Variants in SPIDR observed in about 807,000 individuals in gnomAD.
The protein encoded by SPIDR is DNA repair-scaffolding protein.
In SPIDR, 93 loss-of-function variants were observed where a neutral mutation model predicts 104.6. The ratio of observed to expected loss-of-function variants is 0.89; its 90% CI spans 0.75 to 1.06. The LOEUF (loss-of-function observed/expected upper bound fraction) is 1.06. Ranked by LOEUF, SPIDR falls within the 50% of genes least tolerant of loss-of-function variation. SPIDR has a pLI of 0.00. For missense variants in SPIDR, 1,154 were observed against 1,111.2 expected, an observed-to-expected ratio of 1.04 and a Z score of -0.55; for synonymous variants, 431 against 416.9, an observed-to-expected ratio of 1.03 and a Z score of -0.41.
intron 2 of SPIDR, among the ~76,000 whole-genome samples, chr8:47,280,230 T>A (rs1554557408): frequency 0.02 from 3,098 of 151,856 alleles, 62 homozygotes; most frequent in Non-Finnish European, 0.024. Flanking sequence ...TTTTATTTTT[T>A]TTTTATTTTA....
intron 10 of SPIDR, among the ~76,000 whole-genome samples, chr8:47,612,511 A>G (rs1297565400): frequency 6.6e-6 from 1 of 152,258 alleles, no homozygotes; most frequent in African/African-American, 2.4e-5. Context: ...GCTACCACAT[A>G]TTTGGGAGAA....
chr8:47,518,965 G>A (rs1270738984), intron 8 of SPIDR, among the ~76,000 whole-genome samples: 3 of 152,052 alleles, frequency 2.0e-5, no homozygotes, highest in East Asian at 1.9e-4. Context: ...AAAGTCTTAC[G>A]TTAGCAAAAT....
At chr8:47,278,454 G>A (rs1410157010) in intron 1 of SPIDR, among the ~76,000 whole-genome samples, 7 of 152,002 alleles carry the variant, frequency 4.6e-5, no homozygotes, top group African/African-American at 1.7e-4. Flanking sequence ...CAAGTTGCTG[G>A]AACTACAGGC....
intron 3 of SPIDR, 45 bp from the exon 4 acceptor site, chr8:47,290,988 C>G: frequency 7.0e-7 from 1 of 1,429,394 alleles, no homozygotes; most frequent in Non-Finnish European, 9.7e-7. Context: ...TGATAAATGA[C>G]CATATAAGGA....
chr8:47,644,701 C>A (rs1438815059), intron 10 of SPIDR, among the ~76,000 whole-genome samples: 1 of 152,146 alleles, frequency 6.6e-6, no homozygotes, highest in East Asian at 1.9e-4. Context: ...GGTCCTAGTA[C>A]ATGGTGAATG....
chr8:47,358,038 A>G (rs782710857), intron 5 of SPIDR, among the ~76,000 whole-genome samples: 10 of 152,162 alleles, frequency 6.6e-5, no homozygotes, highest in Non-Finnish European at 1.5e-4. Flanking sequence ...TTAACCAGTA[A>G]ATGACTGTTC....
At chr8:47,680,148 G>A (rs187022426) in intron 11 of SPIDR, among the ~76,000 whole-genome samples, 57 of 152,286 alleles carry the variant, frequency 3.7e-4, no homozygotes, top group Non-Finnish European at 7.4e-4. Context: ...AGTGAACATG[G>A]GCATGTGGTG....
chr8:47,589,780 A>G (rs2154418335), intron 8 of SPIDR, among the ~76,000 whole-genome samples: 1 of 151,852 alleles, frequency 6.6e-6, no homozygotes. Flanking sequence ...GCCTTTTTTC[A>G]TTTTTTAGTC....
At chr8:47,485,323 C>G (rs2077424739) in intron 8 of SPIDR, among the ~76,000 whole-genome samples, 1 of 152,234 alleles carries the variant, frequency 6.6e-6, no homozygotes, top group Non-Finnish European at 1.5e-5. Context: ...CCTGCCATTG[C>G]TGAGGCTTGA....
In SPIDR at chr8:47,524,161, G is replaced by A. The variant is rs995968527; in HGVS notation, c.1098-71650G>A. On this transcript the variant is annotated intron_variant, in intron 8 of 19. Transcript: ENST00000297423. ...ATGTATGCTAAAAAAATTATTCATT[G>A]TTTATCTGAAATTTACATTTACCTG... 4.6e-5 allele frequency among the ~76,000 whole-genome samples: 7 copies of A among 152,228 alleles called. No individual in the cohort carries two copies. In the East Asian group the frequency reaches 1.3e-3, roughly 29 times the overall value.
At chr8:47,435,576 C>A (rs1319812938) in intron 7 of SPIDR, among the ~76,000 whole-genome samples, 1 of 152,050 alleles carries the variant, frequency 6.6e-6, no homozygotes, top group Non-Finnish European at 1.5e-5. Context: ...GTTTCTTAAT[C>A]GTTTAACATC....
intron 8 of SPIDR, among the ~76,000 whole-genome samples, chr8:47,451,721 G>A (rs782089113): frequency 6.6e-6 from 1 of 152,076 alleles, no homozygotes; most frequent in Non-Finnish European, 1.5e-5. Context: ...AATGAACAGA[G>A]CCCGAAGCAC....
intron 9 of SPIDR, among the ~76,000 whole-genome samples, chr8:47,597,518 G>T (rs866726894): frequency 2.6e-5 from 4 of 152,128 alleles, no homozygotes; most frequent in South Asian, 2.1e-4. Context: ...AGTTTTATGA[G>T]ACCACGGTCA....
chr8:47,355,271 T>TAAAAAAAAAAAAAAAAAAA (rs34902790), intron 5 of SPIDR, among the ~76,000 whole-genome samples: 80 of 116,520 alleles, frequency 6.9e-4, no homozygotes, highest in African/African-American at 2.6e-3. Flanking sequence ...AGGTTTTTTG[T>TAAAAAAAAAAAAAAAAAAA]AAAAAAAAAA....
At chr8:47,496,092 G>A (rs764406131) in intron 8 of SPIDR, among the ~76,000 whole-genome samples, 5 of 151,930 alleles carry the variant, frequency 3.3e-5, no homozygotes, top group Non-Finnish European at 7.4e-5. Context: ...ACTCATAACA[G>A]TTTTTTTAAG....
intron 5 of SPIDR, among the ~76,000 whole-genome samples, chr8:47,322,328 C>T (rs1376915397): frequency 6.6e-6 from 1 of 152,198 alleles, no homozygotes; most frequent in Non-Finnish European, 1.5e-5. Context: ...CCAAAAGACA[C>T]TTGAAAAGAT....
chr8:47,301,037 G>A (rs1352718313), intron 5 of SPIDR, among the ~76,000 whole-genome samples: 1 of 152,166 alleles, frequency 6.6e-6, no homozygotes, highest in Non-Finnish European at 1.5e-5. Flanking sequence ...GTCTAATGTT[G>A]ATAGTGGGGT....
intron 5 of SPIDR, among the ~76,000 whole-genome samples, chr8:47,393,721 TCCTTTCCTTTCCTTC>T (rs1255330645): frequency 2.9e-5 from 3 of 102,458 alleles, no homozygotes; most frequent in Non-Finnish European, 4.6e-5. Context: ...TCCTTTCCTT[TCCTTTCCTTTCCTTC>T]CTTTCATTCT....
chr8:47,486,071 T>C (rs1376622316), intron 8 of SPIDR, among the ~76,000 whole-genome samples: 2 of 152,104 alleles, frequency 1.3e-5, no homozygotes, highest in African/African-American at 2.4e-5. Flanking sequence ...AAGGAAGAAG[T>C]TTGAACCCAT....
Sources: allele counts gnomAD v4.1 joint callset (sites outside exome capture counted in the v4.1 genomes callset), GRCh38; gene constraint gnomAD v4.1.1; transcripts MANE v1.5; gene names NCBI Gene and HGNC (gene_info 2026-07-23, HGNC 2026-07-21).